The following PHF3 variants were observed in gnomAD, a reference collection of about 807,000 sequenced individuals.
PHF3 encodes the protein PHD finger protein 3.
In PHF3, 41 loss-of-function variants were observed where a neutral mutation model predicts 178.4. The ratio of observed to expected loss-of-function variants is 0.23; its 90% confidence interval spans 0.18 to 0.30. The LOEUF (loss-of-function observed/expected upper bound fraction) is 0.30, where lower values mean the gene tolerates loss of function less well. Among genes scored for constraint, PHF3 ranks in the 10% least tolerant of loss-of-function variants. PHF3 has a pLI of 1.00. For missense variants in PHF3, 2,346 were observed against 2,398.1 expected, an observed-to-expected ratio of 0.98 and a Z score of 0.45; for synonymous variants, 842 against 800.5, an observed-to-expected ratio of 1.05 and a Z score of -0.88.
rs985910896 is a variant in PHF3, at chr6:63,717,633, C to G, written c.*3925C>G. 5.3e-5 allele frequency among the ~76,000 whole-genome samples: 8 copies of G among 152,054 alleles called. No homozygotes were observed. The highest frequency in any genetic ancestry group is 1.9e-4 in the African/African-American group (8 of 41,524). On this transcript the variant is annotated 3_prime_UTR_variant, in exon 16 of 16. Transcript: ENST00000262043. ...TCAAGTTTCATCTTATAGATAGATGCAGAGCAGAGTCATTGAGGGAAATAG... is the reference window on the plus strand; with the variant it reads ...TCAAGTTTCATCTTATAGATAGATGGAGAGCAGAGTCATTGAGGGAAATAG...
rs1318590928 is a variant in PHF3 at position 63,685,498 on chromosome 6, A to G, written c.1776A>G (p.Leu592=). The stretch of plus-strand genomic sequence containing the variant: ...CTTTAGTACAAATTTTCAAGCCCTT[A>G]ACTCATTCTTTGAGTGATAAGTCAC... ...DQTLVQIFKP[L]THSLSDKSHA... Residue 592 remains leucine (L), a synonymous_variant, in exon 4 of 16, where the codon TTA becomes TTG. Transcript: ENST00000262043. 2.5e-6 allele frequency: 4 copies of G among 1,614,008 alleles called. No individual in the cohort carries two copies. Among genetic ancestry groups the G allele is most frequent in the Non-Finnish European group, 3.4e-6 (4 of 1,180,030 alleles).
At chr6:63,704,713 C>T (rs1767618195) in intron 11 of PHF3, among the ~76,000 whole-genome samples, 1 of 151,940 alleles carries the variant, frequency 6.6e-6, no homozygotes, top group Admixed American at 6.6e-5. Flanking sequence ...CATTTGTATG[C>T]AGCTTTTTGT....
chr6:63,706,967 A>G (rs898367845), intron 13 of PHF3, 91 bp downstream of exon 13: 7 of 1,072,556 alleles, frequency 6.5e-6, no homozygotes, highest in African/African-American at 1.6e-5. Context: ...AGTTAGTAAT[A>G]GAAATATTTA....
At chr6:63,660,764 G>T (rs922398604) in intron 2 of PHF3, among the ~76,000 whole-genome samples, 1 of 152,150 alleles carries the variant, frequency 6.6e-6, no homozygotes, top group African/African-American at 2.4e-5. Context: ...GCAGCAAGCA[G>T]CATTGAAGGA....
chr6:63,702,659 GT>G lies in PHF3; in HGVS notation c.3231+24del, dbSNP rs1204183119. The G allele has an allele frequency of 6.3e-7, 1 of 1,590,974 alleles. No homozygotes were observed. Among genetic ancestry groups the G allele is most frequent in the Non-Finnish European group, 8.6e-7 (1 of 1,168,600 alleles). ...ATTCAGGTAAGGATAGATATGCCAT[GT>G]TTTATAGCTCAAAACATGAAGATTC... On this transcript the variant is annotated intron_variant, in intron 10 of 15. Transcript: ENST00000262043.
In PHF3 at chr6:63,718,138, A is replaced by G. The variant is rs1435397624; in HGVS notation, c.*4430A>G. 1.3e-5 allele frequency among the ~76,000 whole-genome samples: 2 copies of G among 152,090 alleles called. No individual in the cohort carries two copies. Among genetic ancestry groups the G allele is most frequent in the African/African-American group, 4.8e-5 (2 of 41,462 alleles). Reference sequence around the variant, plus strand: ...ATATTTTCAAGTCATTTTGATTTATAGGAGAAAAGGCAGCAGTTTTCAGTT... The same window carrying G: ...ATATTTTCAAGTCATTTTGATTTATGGGAGAAAAGGCAGCAGTTTTCAGTT... On this transcript the variant is annotated 3_prime_UTR_variant, in exon 16 of 16. Coordinates refer to ENST00000262043, the MANE Select transcript of PHF3 (RefSeq NM_001370348.2).
chr6:63,662,796 T>C (rs553396383), intron 2 of PHF3, among the ~76,000 whole-genome samples: 5 of 152,344 alleles, frequency 3.3e-5, no homozygotes, highest in African/African-American at 1.2e-4. Flanking sequence ...TACATGGAAG[T>C]TTCCTGAAGT....
chr6:63,713,557 G>A lies in PHF3; in HGVS notation c.5969G>A (p.Arg1990Lys), dbSNP rs188966275. 4.3e-6 allele frequency: 7 copies of A among 1,613,572 alleles called. No homozygotes were observed. In the Admixed American group the frequency reaches 1.2e-4, roughly 27 times the overall value. ...GATGGAAAAGCAAGCAGAGATAGTA[G>A]GAATGTAGACAAGAAGCCAGATAAA... ...GTDGKASRDS[R>K]NVDKKPDKPK... Residue 1990 changes from arginine (R) to lysine (K), a missense_variant, in exon 16 of 16, where the codon AGG (arginine) becomes AAG (lysine). This residue lies in a region of PHF3 where 839 missense variants were observed against 806.9 expected (regional missense o/e 1.04). Coordinates refer to ENST00000262043, the MANE Select transcript of PHF3 (RefSeq NM_001370348.2).
At chr6:63,640,556 A>G (rs112286292) in intron 1 of PHF3, among the ~76,000 whole-genome samples, 28 of 152,334 alleles carry the variant, frequency 1.8e-4, no homozygotes, top group Middle Eastern at 3.4e-3. Context: ...TAACCTTACA[A>G]ACACATAGGG....
At chr6:63,696,723 G>A (rs556053923) in intron 6 of PHF3, among the ~76,000 whole-genome samples, 1 of 152,302 alleles carries the variant, frequency 6.6e-6, no homozygotes, top group Admixed American at 6.5e-5. Context: ...CTGGAAGCCA[G>A]GTGAAGTTTC....
Position 63,706,892 on chromosome 6 carries a change from C to G in PHF3, c.3711+16C>G. The G allele has an allele frequency of 6.2e-7, 1 of 1,610,886 alleles. No homozygotes were observed. On this transcript the variant is annotated intron_variant, in intron 13 of 15. Transcript: ENST00000262043. ...CCTGACAGAGGTACTGTGAACTTTTCTGCTTTTCTGTGCATGAATTGATAA... is the reference window on the plus strand; with the variant it reads ...CCTGACAGAGGTACTGTGAACTTTTGTGCTTTTCTGTGCATGAATTGATAA...
intron 2 of PHF3, among the ~76,000 whole-genome samples, chr6:63,661,792 A>G (rs1019857709): frequency 6.6e-6 from 1 of 152,208 alleles, no homozygotes; most frequent in African/African-American, 2.4e-5. Flanking sequence ...TGCCCTATAC[A>G]TAAGTTTTAT....
intron 8 of PHF3, among the ~76,000 whole-genome samples, chr6:63,699,849 A>G (rs779556634): frequency 6.6e-6 from 1 of 152,102 alleles, no homozygotes; most frequent in Non-Finnish European, 1.5e-5. Context: ...TTGCCCTCCC[A>G]AAGTGCTGGC....
In PHF3 at chr6:63,684,940, G is replaced by A. The variant is rs376295445; in HGVS notation, c.1218G>A (p.Glu406=). Reference sequence around the variant, plus strand: ...CGTTGGGTTATTGTGAAGATGCGGAGTCTAATAGGCAGTTGGAGAGCACTG... The same window carrying A: ...CGTTGGGTTATTGTGAAGATGCGGAATCTAATAGGCAGTTGGAGAGCACTG... ...IEPLGYCEDA[E]SNRQLESTEF... The change falls in exon 4 of 16, where the codon GAG becomes GAA. Residue 406 remains glutamate, a synonymous_variant. Transcript: ENST00000262043. The A allele has an allele frequency of 2.5e-6, 4 of 1,614,074 alleles. No individual in the cohort carries two copies. Among genetic ancestry groups the A allele is most frequent in the Non-Finnish European group, 3.4e-6 (4 of 1,179,950 alleles).
chr6:63,651,115 T>C (rs1765002074), intron 2 of PHF3, among the ~76,000 whole-genome samples: 1 of 152,234 alleles, frequency 6.6e-6, no homozygotes, highest in Admixed American at 6.5e-5. Flanking sequence ...AAATTGTTTT[T>C]GACACATAAT....
intron 2 of PHF3, among the ~76,000 whole-genome samples, chr6:63,668,944 C>G (rs977338263): frequency 3.3e-5 from 5 of 152,018 alleles, no homozygotes; most frequent in African/African-American, 9.7e-5. Flanking sequence ...TCTTGATATG[C>G]AACTTCAAAA....
chr6:63,682,202 G>C (rs1304666742), intron 3 of PHF3, among the ~76,000 whole-genome samples: 1 of 152,090 alleles, frequency 6.6e-6, no homozygotes, highest in East Asian at 1.9e-4. Context: ...AAATGGAGTA[G>C]GGGAAAGAGG....
rs1561931238 is a variant in PHF3 at position 63,635,977 on chromosome 6, C to T, written c.-199C>T. ...GCGCGGAAGCCAAGAATAGTGTCGT[C>T]AGCAGCAGCCATTTGGTCCCAGGAG... is the stretch of plus-strand genomic sequence containing the variant. On this transcript the variant is annotated 5_prime_UTR_variant, in exon 1 of 16. Coordinates refer to ENST00000262043, the MANE Select transcript of PHF3 (RefSeq NM_001370348.2). 4 of 398,054 alleles carry T rather than the reference C, an allele frequency of 1.0e-5. No homozygotes were observed. Among genetic ancestry groups the T allele is most frequent in the East Asian group, 7.1e-5 (2 of 28,028 alleles). The allele number at this position is 398,054 out of a possible 1,614,324, so 24.7% of individuals were successfully genotyped here.
chr6:63,711,966 G>A lies in PHF3; in HGVS notation c.4378G>A (p.Ala1460Thr), dbSNP rs779635291. The change falls in exon 16 of 16, where the codon GCA becomes ACA. Residue 1460 changes from alanine to threonine, a missense_variant. Physicochemically the swap from Ala to Thr is moderately conservative, Grantham distance 58. Transcript: ENST00000262043. ...GAATCAACCTACTACTCTGGAATTAGCAAATAAACCTCTTCCTGTGGATGA... is the reference window on the plus strand; with the variant it reads ...GAATCAACCTACTACTCTGGAATTAACAAATAAACCTCTTCCTGTGGATGA... ...WENQPTTLEL[A>T]NKPLPVDDIL... 4.3e-6 allele frequency: 7 copies of A among 1,613,688 alleles called. No individual in the cohort carries two copies. In the South Asian group the frequency reaches 6.6e-5, roughly 15 times the overall value.
Sources: allele counts gnomAD v4.1 joint callset (sites outside exome capture counted in the v4.1 genomes callset), GRCh38; gene constraint gnomAD v4.1.1; regional missense constraint gnomAD v4.1.1; transcripts MANE v1.5; gene names NCBI Gene and HGNC (gene_info 2026-07-23, HGNC 2026-07-21).